PCNX2: variants seen among roughly 807,000 people sequenced by gnomAD.
PCNX2 encodes the protein pecanex-like protein 2.
Under a neutral mutation model 223.8 loss-of-function variants are expected in PCNX2, and 168 were observed. The observed-to-expected ratio is 0.75, with a 90% confidence interval of 0.66 to 0.85. The LOEUF (loss-of-function observed/expected upper bound fraction) is 0.85, where lower values mean the gene tolerates loss of function less well. Among genes scored for constraint, PCNX2 ranks in the 40% least tolerant of loss-of-function variants. The probability of loss-of-function intolerance (pLI) is 0.00; values close to 1 mark genes in which losing one functional copy is unlikely to be tolerated. For synonymous variants in PCNX2, 1,006 were observed against 1,052.6 expected, an observed-to-expected ratio of 0.96 and a Z score of 0.86; for missense variants, 2,507 against 2,675.5, an observed-to-expected ratio of 0.94 and a Z score of 1.39.
At chr1:233,063,054 C>A (rs1219649800) in intron 23 of PCNX2, among the ~76,000 whole-genome samples, 1 of 152,070 alleles carries the variant, frequency 6.6e-6, no homozygotes, top group Non-Finnish European at 1.5e-5. Context: ...CTGGCCAACA[C>A]AGTGAAACCC....
chr1:233,200,120 C>A, intron 14 of PCNX2, 34 bp downstream of exon 14: 1 of 1,472,446 alleles, frequency 6.8e-7, no homozygotes, highest in Non-Finnish European at 9.3e-7. Flanking sequence ...ACTCTGAATT[C>A]CTTTACAGGA....
chr1:233,024,135 G>A lies in PCNX2; in HGVS notation c.4605+1011C>T, dbSNP rs1005972903. 2.6e-4 allele frequency among the ~76,000 whole-genome samples: 39 copies of A among 152,168 alleles called. 1 individual carries two copies. The highest frequency in any genetic ancestry group is 2.5e-3 in the Admixed American group (38 of 15,288). ...TTGCTATGTTGCCTAGGCTGGTCTT[G>A]AACTTCTGGGCTCAAACAATCCTCC... On this transcript the variant is annotated intron_variant, in intron 26 of 33. Coordinates refer to ENST00000258229, the MANE Select transcript of PCNX2 (RefSeq NM_014801.4).
At chr1:233,002,814 C>T (rs1490468224) in intron 28 of PCNX2, among the ~76,000 whole-genome samples, 2 of 152,084 alleles carry the variant, frequency 1.3e-5, no homozygotes, top group Non-Finnish European at 2.9e-5. Context: ...GATACATAGA[C>T]CAATGGAACA....
chr1:233,211,498 G>C (rs1204218388), intron 12 of PCNX2, among the ~76,000 whole-genome samples: 1 of 152,074 alleles, frequency 6.6e-6, no homozygotes, highest in East Asian at 1.9e-4. Context: ...GGCCTTTCCT[G>C]CATCCCAGAC....
chr1:233,215,523 G>T (rs1447275772), intron 12 of PCNX2, among the ~76,000 whole-genome samples: 1 of 152,210 alleles, frequency 6.6e-6, no homozygotes, highest in East Asian at 1.9e-4. Flanking sequence ...ACGGGCCATA[G>T]TAACAGACAT....
chr1:233,283,836 C>A (rs1412361256), intron 1 of PCNX2, among the ~76,000 whole-genome samples: 1 of 152,146 alleles, frequency 6.6e-6, no homozygotes, highest in Non-Finnish European at 1.5e-5. Context: ...GGGTGAAAGA[C>A]TTTTGGAAAT....
At chr1:233,094,789 A>C (rs552022771) in intron 22 of PCNX2, among the ~76,000 whole-genome samples, 98 of 152,328 alleles carry the variant, frequency 6.4e-4, no homozygotes, top group African/African-American at 2.3e-3. Flanking sequence ...GCCAGAGTTG[A>C]GAACTGTGGT....
At chr1:233,131,947 T>C (rs979142927) in intron 21 of PCNX2, among the ~76,000 whole-genome samples, 9 of 151,668 alleles carry the variant, frequency 5.9e-5, no homozygotes, top group African/African-American at 2.2e-4. Context: ...TAGATCTTTT[T>C]TTTTTTTGAG....
Position 233,006,290 on chromosome 1 carries a change from G to C in PCNX2, c.4953-4609C>G, listed in dbSNP as rs570771418. Among the ~76,000 whole-genome samples the C allele has an allele frequency of 1.7e-4, 25 of 150,100 alleles. No homozygotes were observed. The East Asian group carries it at 4.3e-3, about 26-fold the overall frequency. On this transcript the variant is annotated intron_variant, in intron 28 of 33. Transcript: ENST00000258229. ...TGCGTAGGCTGTAACTGCGCTACTC[G>C]GCACAGAATGAACCCATCACTTGCT...
chr1:233,269,731 A>G (rs1200310730), intron 1 of PCNX2, among the ~76,000 whole-genome samples: 2 of 152,232 alleles, frequency 1.3e-5, no homozygotes, highest in Non-Finnish European at 2.9e-5. Flanking sequence ...TCTGCCAAAC[A>G]TAACACTCAC....
chr1:233,028,989 C>A (rs1671177584), intron 25 of PCNX2, among the ~76,000 whole-genome samples: 1 of 151,946 alleles, frequency 6.6e-6, no homozygotes, highest in Non-Finnish European at 1.5e-5. Flanking sequence ...CAGGTGCCTG[C>A]CACCAGGTCC....
At position 233,197,485 on chromosome 1, in the gene PCNX2, G is replaced by A. The variant is rs995057079; in HGVS notation, c.3066+1454C>T. Among the ~76,000 whole-genome samples the A allele has an allele frequency of 2.6e-5, 4 of 152,082 alleles. No individual in the cohort carries two copies. In the East Asian group the frequency reaches 7.7e-4, roughly 29 times the overall value. On this transcript the variant is annotated intron_variant, in intron 15 of 33. Coordinates refer to ENST00000258229, the MANE Select transcript of PCNX2 (RefSeq NM_014801.4). Reference sequence around the variant, plus strand: ...CCTATGATTAAATAAAGGAACATAAGTCAAAAGAAAGAACACCGGAAACAC... The same window carrying A: ...CCTATGATTAAATAAAGGAACATAAATCAAAAGAAAGAACACCGGAAACAC...
chr1:233,078,888 A>G (rs1673218114), intron 23 of PCNX2, among the ~76,000 whole-genome samples: 1 of 152,226 alleles, frequency 6.6e-6, no homozygotes. Context: ...ATAATAGTTC[A>G]TTTCCATACC....
chr1:233,272,368 A>G (rs756500745), intron 1 of PCNX2, among the ~76,000 whole-genome samples: 2 of 152,172 alleles, frequency 1.3e-5, no homozygotes, highest in Non-Finnish European at 2.9e-5. Flanking sequence ...AAGATATACA[A>G]ATGGCCAACA....
At chr1:233,278,636 G>A (rs947768217) in intron 1 of PCNX2, among the ~76,000 whole-genome samples, 1 of 152,176 alleles carries the variant, frequency 6.6e-6, no homozygotes, top group Admixed American at 6.5e-5. Flanking sequence ...ACAGGAGTCA[G>A]ATCGCATGTC....
intron 1 of PCNX2, among the ~76,000 whole-genome samples, chr1:233,293,024 A>T (rs1226770693): frequency 6.6e-6 from 1 of 152,202 alleles, no homozygotes; most frequent in Non-Finnish European, 1.5e-5. Context: ...ACATTTAAAT[A>T]TCATCAAAAA....
rs1678482781 is a variant in PCNX2, at chr1:233,161,574, A to G, written c.3274-211T>C. Among the ~76,000 whole-genome samples, 3 of 151,942 alleles carry G rather than the reference A, an allele frequency of 2.0e-5. No individual in the cohort carries two copies. In the South Asian group the frequency reaches 6.3e-4, roughly 32 times the overall value. On this transcript the variant is annotated intron_variant, in intron 17 of 33. Transcript: ENST00000258229. Reference sequence around the variant, plus strand: ...GGAAGACTAAGGTGGGCTGGGGGAGAGTGGTGGGGGAGAGGAATCACACAC... The same window carrying G: ...GGAAGACTAAGGTGGGCTGGGGGAGGGTGGTGGGGGAGAGGAATCACACAC...
chr1:233,289,439 A>C, intron 1 of PCNX2: 1 of 1,396,676 alleles, frequency 7.2e-7, no homozygotes, highest in Non-Finnish European at 1.0e-6. Flanking sequence ...TGGCGCTCGT[A>C]CTGAACATGG....
At chr1:233,218,940 A>G (rs879335987) in intron 10 of PCNX2, among the ~76,000 whole-genome samples, 12 of 152,128 alleles carry the variant, frequency 7.9e-5, no homozygotes, top group African/African-American at 1.2e-4. Context: ...GTCCGAGTTT[A>G]CTGTCAAATT....
Sources: gnomAD v4.1 joint callset for allele counts (sites outside exome capture counted in the v4.1 genomes callset) on GRCh38, gnomAD v4.1.1 for gene constraint, MANE v1.5 for transcripts, NCBI Gene and HGNC (gene_info 2026-07-23, HGNC 2026-07-21) for gene names.